SLC35F4: variants seen among roughly 807,000 people sequenced by gnomAD.
SLC35F4 encodes the protein chromosome 14 open reading frame 36.
SLC35F4 carries 24 observed loss-of-function variants against 44.2 expected under a neutral mutation model. The ratio of observed to expected loss-of-function variants is 0.54; its 90% CI spans 0.39 to 0.76. The LOEUF is 0.76. SLC35F4 is among the 30% of genes least tolerant of loss of function. The pLI is 0.00. For synonymous variants in SLC35F4, 238 were observed against 223.6 expected (o/e 1.06, Z -0.57); for missense variants, 562 against 586.1 (o/e 0.96, Z 0.42).
At position 57,932,990 on chromosome 14, in the gene SLC35F4, G is replaced by A. The variant is rs78531535; in HGVS notation, n.282+48923C>T. Among the ~76,000 whole-genome samples, 664 of 151,066 alleles carry A rather than the reference G, an allele frequency of 4.4e-3. 5 individuals are homozygous for A. Among genetic ancestry groups the A allele is most frequent in the African/African-American group, 0.015 (637 of 41,126 alleles). ...GAAAATATCATTCCCCCATTTTCCT[G>A]CTGAAATCAACCTCGGAAGGTTAAT... is the stretch of plus-strand genomic sequence containing the variant. On this transcript the variant is annotated intron_variant and non_coding_transcript_variant, in intron 1 of 1. Coordinates refer to the SLC35F4 transcript ENST00000556568.
chr14:57,718,269 A>C (rs917035374), intron 1 of SLC35F4, among the ~76,000 whole-genome samples: 2 of 152,198 alleles, frequency 1.3e-5, no homozygotes, highest in African/African-American at 2.4e-5. Context: ...GGTTACTTCC[A>C]AATCTTGACT....
At chr14:57,576,165 C>A (rs925334425) in intron 4 of SLC35F4, among the ~76,000 whole-genome samples, 1 of 152,086 alleles carries the variant, frequency 6.6e-6, no homozygotes, top group African/African-American at 2.4e-5. Context: ...CTTTTAGGGT[C>A]CAAGGCATTG....
chr14:57,819,021 CA>C (rs1031368583), intron 1 of SLC35F4, among the ~76,000 whole-genome samples: 2 of 152,180 alleles, frequency 1.3e-5, no homozygotes, highest in Non-Finnish European at 2.9e-5. Context: ...ATCCTGCAGA[CA>C]TCCTAACCAA....
chr14:57,775,968 C>G (rs1321459885), intron 1 of SLC35F4, among the ~76,000 whole-genome samples: 1 of 152,102 alleles, frequency 6.6e-6, no homozygotes, highest in Non-Finnish European at 1.5e-5. Context: ...ACTGACCTGA[C>G]AGAGCTGAAA....
At chr14:57,961,371 C>G (rs568356792) in intron 1 of SLC35F4, among the ~76,000 whole-genome samples, 1 of 152,096 alleles carries the variant, frequency 6.6e-6, no homozygotes, top group Non-Finnish European at 1.5e-5. Context: ...GACAGAGCAG[C>G]GCCACAGAGT....
chr14:57,704,771 A>G (rs974573348), intron 1 of SLC35F4, among the ~76,000 whole-genome samples: 2 of 152,170 alleles, frequency 1.3e-5, no homozygotes, highest in African/African-American at 2.4e-5. Context: ...TTACACAGGA[A>G]GTCAACCAAA....
chr14:57,830,318 T>C (rs1335640375), intron 1 of SLC35F4, among the ~76,000 whole-genome samples: 1 of 152,212 alleles, frequency 6.6e-6, no homozygotes, highest in African/African-American at 2.4e-5. Context: ...TGCCACCTCA[T>C]TGAGTCACTG....
intron 1 of SLC35F4, among the ~76,000 whole-genome samples, chr14:57,820,324 T>C (rs1883035480): frequency 6.6e-6 from 1 of 152,170 alleles, no homozygotes; most frequent in South Asian, 2.1e-4. Flanking sequence ...TCTAAATAAA[T>C]GTAGATAAGA....
In SLC35F4 at chr14:57,963,714, T is replaced by C. The variant is rs982910060; in HGVS notation, n.282+18199A>G. ...CCCCAGAACATTCATTCTAGCTCCT[T>C]TTTTTTTTTTTTTTTTTTTTTTTTT... On this transcript the variant is annotated intron_variant and non_coding_transcript_variant, in intron 1 of 1. Coordinates refer to the SLC35F4 transcript ENST00000556568. Among the ~76,000 whole-genome samples the C allele has an allele frequency of 7.3e-4, 4 of 5,482 alleles. No homozygotes were observed. In the East Asian group the frequency reaches 0.019, roughly 26 times the overall value. 3.6% of individuals were successfully genotyped at this position (5,482 alleles called of 152,430 possible).
chr14:57,733,356 T>C (rs1044106748), intron 1 of SLC35F4, among the ~76,000 whole-genome samples: 64 of 60,404 alleles, frequency 1.1e-3, no homozygotes, highest in African/African-American at 2.6e-3. Flanking sequence ...GAGTCAATTT[T>C]CTTTAAAAAA....
At chr14:57,958,636 GGTGA>G (rs1890286245) in intron 1 of SLC35F4, among the ~76,000 whole-genome samples, 1 of 152,088 alleles carries the variant, frequency 6.6e-6, no homozygotes, top group Non-Finnish European at 1.5e-5. Flanking sequence ...ACTTTAAAAG[GGTGA>G]GTGTTATGAT....
chr14:57,608,904 T>C (rs1232743778), intron 1 of SLC35F4, among the ~76,000 whole-genome samples: 1 of 152,132 alleles, frequency 6.6e-6, no homozygotes, highest in East Asian at 1.9e-4. Flanking sequence ...ACAGTCATTG[T>C]TGACTTTGGA....
intron 1 of SLC35F4, among the ~76,000 whole-genome samples, chr14:57,830,831 C>T (rs1884292150): frequency 6.6e-6 from 1 of 152,044 alleles, no homozygotes; most frequent in South Asian, 2.1e-4. Context: ...TCTCTGTGAC[C>T]CCAAAATCAA....
At chr14:57,685,126 C>G (rs967262013) in intron 1 of SLC35F4, among the ~76,000 whole-genome samples, 4 of 151,990 alleles carry the variant, frequency 2.6e-5, no homozygotes, top group Non-Finnish European at 4.4e-5. Context: ...AGCAGATATT[C>G]AAAATGTTAT....
At position 57,898,907 on chromosome 14, in the gene SLC35F4, T is replaced by C. The variant is rs113974167; in HGVS notation, n.282+83006A>G. Among the ~76,000 whole-genome samples, 800 of 152,182 alleles carry C rather than the reference T, an allele frequency of 5.3e-3. 2 individuals are homozygous for C. The highest frequency in any genetic ancestry group is 7.4e-3 in the Non-Finnish European group (506 of 68,004). Reference sequence around the variant, plus strand: ...AAGCCAGTTTGGAAAGGGGTTGGAGTCTCCAGAAGAGCTGCAGGATCATGC... The same window carrying C: ...AAGCCAGTTTGGAAAGGGGTTGGAGCCTCCAGAAGAGCTGCAGGATCATGC... On this transcript the variant is annotated intron_variant and non_coding_transcript_variant, in intron 1 of 1. Transcript: ENST00000556568.
chr14:57,849,470 T>A (rs62005007), intron 1 of SLC35F4, among the ~76,000 whole-genome samples: 2 of 79,604 alleles, frequency 2.5e-5, no homozygotes, highest in African/African-American at 1.9e-4. Flanking sequence ...CCCACAAAAA[T>A]TTTTTTTTAA....
chr14:57,798,993 A>G (rs2078121930), intron 1 of SLC35F4, among the ~76,000 whole-genome samples: 1 of 152,236 alleles, frequency 6.6e-6, no homozygotes, highest in Admixed American at 6.5e-5. Flanking sequence ...TATGTAGCCA[A>G]TTAAAACAAA....
intron 1 of SLC35F4, among the ~76,000 whole-genome samples, chr14:57,629,237 T>C (rs2072641294): frequency 6.6e-6 from 1 of 152,146 alleles, no homozygotes; most frequent in African/African-American, 2.4e-5. Flanking sequence ...CAAGGACTGG[T>C]TTACTGTCTC....
intron 1 of SLC35F4, among the ~76,000 whole-genome samples, chr14:57,756,735 GC>G (rs2077002337): frequency 6.6e-6 from 1 of 151,896 alleles, no homozygotes; most frequent in Non-Finnish European, 1.5e-5. Context: ...GCTCCCTGCA[GC>G]CTTGACCTCC....
Sources: allele counts gnomAD v4.1 joint callset (sites outside exome capture counted in the v4.1 genomes callset), GRCh38; gene constraint gnomAD v4.1.1; transcripts MANE v1.5; gene names NCBI Gene and HGNC (gene_info 2026-07-23, HGNC 2026-07-21).